MOXD1: variants seen among roughly 807,000 people sequenced by gnomAD.
MOXD1 encodes DBH-like monooxygenase protein 1.
In MOXD1, 62 loss-of-function variants were observed where a neutral mutation model predicts 66.6. The observed-to-expected ratio is 0.93, with a 90% CI of 0.76 to 1.15. MOXD1 has a LOEUF of 1.15. MOXD1 is among the 50% of genes most tolerant of loss of function. The pLI is 0.00. For missense variants in MOXD1, 847 were observed against 754.6 expected (o/e 1.12, Z -1.44); for synonymous variants, 303 against 281.9 (o/e 1.07, Z -0.75).
chr6:132,320,754 G>A, intron 8 of MOXD1, 66 bp from the exon 9 acceptor site: 1 of 1,309,492 alleles, frequency 7.6e-7, no homozygotes, highest in Non-Finnish European at 1.1e-6. Flanking sequence ...AAATACATTT[G>A]TACGTCAACA....
At chr6:132,392,380 T>G in intron 1 of MOXD1, 4 of 1,512,032 alleles carry the variant, frequency 2.6e-6, no homozygotes, top group Non-Finnish European at 3.5e-6. Context: ...TCAATTTTCA[T>G]GCAAATTCAA....
rs1562289945 is a variant in MOXD1, at chr6:132,349,424, T to TATAC, written c.664-20831_664-20830insGTAT. Among the ~76,000 whole-genome samples the TATAC allele has an allele frequency of 2.4e-3, 54 of 22,322 alleles. 5 individuals carry two copies. Among genetic ancestry groups the TATAC allele is most frequent in the East Asian group, 8.5e-3 (15 of 1,760 alleles). The allele number at this position is 22,322 out of a possible 152,430, so 14.6% of individuals were successfully genotyped here. A position where few individuals can be genotyped will look rare whatever the true frequency, so the allele number is the denominator to read the frequency against. ...ATATATACATATATATATATATACA[T>TATAC]ATATATATATACATATATATATATA... is the stretch of plus-strand genomic sequence containing the variant. On this transcript the variant is annotated intron_variant, in intron 4 of 11. Coordinates refer to ENST00000367963, the MANE Select transcript of MOXD1 (RefSeq NM_015529.4).
At position 132,323,944 on chromosome 6, in the gene MOXD1, T is replaced by C. The variant is rs776181386; in HGVS notation, c.1100A>G (p.Glu367Gly). ...GATGCTGCATACCTCTTCCAGGCAC[T>C]CCAAAGTGCAGTGACCCTCAGACTG... ...EFQSEGHCTLECLEEALEAEK... is the reference protein window; with the variant it reads ...EFQSEGHCTLGCLEEALEAEK... Residue 367 changes from glutamate to glycine, a missense_variant, in exon 7 of 12, where the codon GAG (glutamate) becomes GGG (glycine). Glu to Gly is a moderately conservative substitution (Grantham distance 98). Transcript: ENST00000367963. 1 of 1,609,280 alleles carries C rather than the reference T, an allele frequency of 6.2e-7. No homozygotes were observed. Among genetic ancestry groups the C allele is most frequent in the African/African-American group, 1.3e-5 (1 of 74,556 alleles).
At position 132,401,466 on chromosome 6, in the gene MOXD1, G is replaced by A. The variant is rs1447533988; in HGVS notation, c.-40C>T. 2 of 1,450,106 alleles carry A rather than the reference G, an allele frequency of 1.4e-6. No homozygotes were observed. Among genetic ancestry groups the A allele is most frequent in the South Asian group, 1.4e-5 (1 of 71,292 alleles). The allele number at this position is 1,450,106 out of a possible 1,614,324, so 89.8% of individuals were successfully genotyped here. A position where few individuals can be genotyped will look rare whatever the true frequency, so the allele number is the denominator to read the frequency against. On this transcript the variant is annotated 5_prime_UTR_variant, in exon 1 of 12. Coordinates refer to ENST00000367963, the MANE Select transcript of MOXD1 (RefSeq NM_015529.4). ...TGCCCGCCGGTACCGGCCTCCAGCC[G>A]CTGGGGAGTGAGGAGCAGAACGAGG...
chr6:132,355,384 A>G (rs965815048), intron 4 of MOXD1, among the ~76,000 whole-genome samples: 3 of 152,136 alleles, frequency 2.0e-5, no homozygotes, highest in Admixed American at 2.0e-4. Flanking sequence ...AACTCCAGGT[A>G]AGGTCAGAAA....
At chr6:132,357,008 C>T (rs549335933) in intron 4 of MOXD1, among the ~76,000 whole-genome samples, 81 of 151,934 alleles carry the variant, frequency 5.3e-4, no homozygotes, top group Non-Finnish European at 3.1e-4. Context: ...AACAAATACA[C>T]GTTAGAAAAT....
intron 4 of MOXD1, among the ~76,000 whole-genome samples, chr6:132,331,660 A>G (rs985373607): frequency 2.0e-5 from 3 of 152,208 alleles, no homozygotes; most frequent in Non-Finnish European, 2.9e-5. Flanking sequence ...CAACAAATCT[A>G]TAAGAAAGAT....
intron 1 of MOXD1, among the ~76,000 whole-genome samples, chr6:132,387,715 C>T (rs1359078194): frequency 6.7e-5 from 9 of 135,246 alleles, no homozygotes; most frequent in Non-Finnish European, 1.1e-4. Flanking sequence ...GATCGCGCCA[C>T]TGCACTCCAG....
At chr6:132,358,453 GA>G (rs1395237910) in intron 4 of MOXD1, among the ~76,000 whole-genome samples, 2 of 152,136 alleles carry the variant, frequency 1.3e-5, no homozygotes, top group Non-Finnish European at 2.9e-5. Flanking sequence ...TTCTCATCTA[GA>G]AAATGGCAGA....
chr6:132,350,198 C>T (rs1162650095), intron 4 of MOXD1, among the ~76,000 whole-genome samples: 1 of 152,132 alleles, frequency 6.6e-6, no homozygotes, highest in Non-Finnish European at 1.5e-5. Context: ...AAATCCTTGC[C>T]TAAGCCAATG....
At chr6:132,400,949 G>A (rs1777009264) in intron 1 of MOXD1, among the ~76,000 whole-genome samples, 1 of 152,238 alleles carries the variant, frequency 6.6e-6, no homozygotes, top group Non-Finnish European at 1.5e-5. Context: ...CCTGCCTGGG[G>A]TCATCCGTGC....
chr6:132,303,654 T>A (rs550494792), intron 10 of MOXD1, among the ~76,000 whole-genome samples: 1 of 148,650 alleles, frequency 6.7e-6, no homozygotes, highest in Admixed American at 6.7e-5. Flanking sequence ...GTTGAATCCA[T>A]GGATGCAGAA....
chr6:132,314,702 A>T (rs1774904224), intron 10 of MOXD1, among the ~76,000 whole-genome samples: 1 of 151,998 alleles, frequency 6.6e-6, no homozygotes, highest in South Asian at 2.1e-4. Context: ...CGCTGCTCAG[A>T]TATCACCAAC....
At chr6:132,354,554 G>A (rs1775870711) in intron 4 of MOXD1, among the ~76,000 whole-genome samples, 1 of 152,232 alleles carries the variant, frequency 6.6e-6, no homozygotes, top group African/African-American at 2.4e-5. Context: ...TCCAGTGGAG[G>A]TGGCAGGGAG....
chr6:132,324,127 T>C, intron 6 of MOXD1, 30 bp from the exon 7 acceptor site: 1 of 1,587,144 alleles, frequency 6.3e-7, no homozygotes, highest in Non-Finnish European at 8.5e-7. Context: ...TTAAAGTGAT[T>C]TTTGGTTCTT....
intron 1 of MOXD1, among the ~76,000 whole-genome samples, chr6:132,384,285 CCTTCCTCCTTCCTT>C (rs1776579428): frequency 2.1e-5 from 2 of 94,910 alleles, no homozygotes; most frequent in Non-Finnish European, 4.2e-5. Context: ...TTCCTTCCTT[CCTTCCTCCTTCCTT>C]CCTCCCTCCC....
At chr6:132,317,805 C>T (rs1162243646) in intron 9 of MOXD1, among the ~76,000 whole-genome samples, 1 of 152,134 alleles carries the variant, frequency 6.6e-6, no homozygotes, top group Non-Finnish European at 1.5e-5. Context: ...CCCTCTTCTT[C>T]CCATTTCAAC....
chr6:132,391,562 T>C (rs1216231198), intron 1 of MOXD1: 1 of 152,200 alleles, frequency 6.6e-6, no homozygotes, highest in African/African-American at 2.4e-5. Flanking sequence ...ATAAAAAGCA[T>C]TGTGAGTCAT....
In MOXD1 at chr6:132,401,058, TGA is replaced by T. The variant is rs755418762; in HGVS notation, c.264+103_264+104del. On this transcript the variant is annotated intron_variant, in intron 1 of 11. Coordinates refer to ENST00000367963, the MANE Select transcript of MOXD1 (RefSeq NM_015529.4). ...GCCGGGGGCGCGGGGCTGCGCCAGG[TGA>T]GAGAGAGCTGCGGGCCCCGGGGACG... 2,697 of 1,313,228 alleles carry T rather than the reference TGA, an allele frequency of 2.1e-3. 5 individuals carry two copies. Among genetic ancestry groups the T allele is most frequent in the Non-Finnish European group, 2.4e-3 (2,408 of 1,013,758 alleles). 81.3% of individuals were successfully genotyped at this position (1,313,228 alleles called of 1,614,324 possible). A position where few individuals can be genotyped will look rare whatever the true frequency, so the allele number is the denominator to read the frequency against.
Sources: gnomAD v4.1 joint callset for allele counts (sites outside exome capture counted in the v4.1 genomes callset) on GRCh38, gnomAD v4.1.1 for gene constraint, MANE v1.5 for transcripts, NCBI Gene and HGNC (gene_info 2026-07-23, HGNC 2026-07-21) for gene names.